Variants in SPRYD4 observed in about 807,000 individuals in gnomAD.
SPRYD4 encodes SPRY domain-containing protein 4.
Under a neutral mutation model 16.6 loss-of-function variants are expected in SPRYD4, and 12 were observed. That is an observed-to-expected ratio of 0.72 (90% CI 0.46 to 1.17). The LOEUF is 1.17. Among genes scored for constraint, SPRYD4 ranks in the 50% most tolerant of loss-of-function variants. The probability of loss-of-function intolerance (pLI) is 0.00; values close to 1 mark genes in which losing one functional copy is unlikely to be tolerated. For missense variants in SPRYD4, 260 were observed against 260.2 expected (o/e 1.00, Z 0.00); for synonymous variants, 98 against 105.4 (o/e 0.93, Z 0.43).
chr12:56,471,167 G>A lies in SPRYD4; in HGVS notation c.*1590G>A, dbSNP rs2136175233. ...CCACCAGAGTATCTCTCTCATGATG[G>A]TTTCTTCAGGGAGAGGAAGAGGAGA... On this transcript the variant is annotated 3_prime_UTR_variant, in exon 2 of 2. Coordinates refer to ENST00000338146, the MANE Select transcript of SPRYD4 (RefSeq NM_207344.4). The A allele has an allele frequency of 4.7e-6, 2 of 427,610 alleles. No homozygotes were observed. The highest frequency in any genetic ancestry group is 9.1e-5 in the South Asian group (1 of 11,046). The allele number at this position is 427,610 out of a possible 1,614,324, so 26.5% of individuals were successfully genotyped here. A position where few individuals can be genotyped will look rare whatever the true frequency, so the allele number is the denominator to read the frequency against.
Position 56,477,893 on chromosome 12 carries a change from G to C in SPRYD4, c.*8316G>C, listed in dbSNP as rs371307227. On this transcript the variant is annotated 3_prime_UTR_variant, in exon 2 of 2. Coordinates refer to ENST00000338146, the MANE Select transcript of SPRYD4 (RefSeq NM_207344.4). ...AGATGGGGTGGGGATAAGGAGAAGG[G>C]GACAGCTGTAAGTACGGTCTGAGCC... is the stretch of plus-strand genomic sequence containing the variant. The C allele has an allele frequency of 6.3e-7, 1 of 1,593,826 alleles. No individual in the cohort carries two copies. Among genetic ancestry groups the C allele is most frequent in the Non-Finnish European group, 8.6e-7 (1 of 1,168,706 alleles).
chr12:56,468,791 C>G, intron 1 of SPRYD4, 115 bp downstream of exon 1: 2 of 1,225,386 alleles, frequency 1.6e-6, no homozygotes, highest in South Asian at 1.3e-5. Flanking sequence ...CCCCACCTGC[C>G]TTGGTCTTAA....
At position 56,470,321 on chromosome 12, in the gene SPRYD4, T is replaced by G. The variant is rs924148085; in HGVS notation, c.*744T>G. 2.0e-5 allele frequency: 3 copies of G among 152,400 alleles called. No homozygotes were observed. Among genetic ancestry groups the G allele is most frequent in the African/African-American group, 7.2e-5 (3 of 41,436 alleles). 9.4% of individuals were successfully genotyped at this position (152,400 alleles called of 1,614,324 possible). A position where few individuals can be genotyped will look rare whatever the true frequency, so the allele number is the denominator to read the frequency against. On this transcript the variant is annotated 3_prime_UTR_variant, in exon 2 of 2. Coordinates refer to ENST00000338146, the MANE Select transcript of SPRYD4 (RefSeq NM_207344.4). ...TGGGGGATATCTAGGGGATGAGTGC[T>G]AGAAACTATTTATTTATTTTTGAGA... is the stretch of plus-strand genomic sequence containing the variant.
Position 56,474,895 on chromosome 12 carries a change from C to G in SPRYD4, c.*5318C>G. ...CATCATGTCCACCCCCTTAGGAAAG[C>G]ACTGCAAGGAAGAGAGGGGAGAGCA... On this transcript the variant is annotated 3_prime_UTR_variant, in exon 2 of 2. Transcript: ENST00000338146. 1 of 1,614,128 alleles carries G rather than the reference C, an allele frequency of 6.2e-7. No homozygotes were observed. The highest frequency in any genetic ancestry group is 8.5e-7 in the Non-Finnish European group (1 of 1,180,020).
chr12:56,474,821 T>A lies in SPRYD4; in HGVS notation c.*5244T>A. 1 of 1,613,718 alleles carries A rather than the reference T, an allele frequency of 6.2e-7. No homozygotes were observed. Among genetic ancestry groups the A allele is most frequent in the South Asian group, 1.1e-5 (1 of 91,066 alleles). On this transcript the variant is annotated 3_prime_UTR_variant, in exon 2 of 2. Transcript: ENST00000338146. ...GGCAAGGACAGTCTGTCCTGTTCCC[T>A]CGGCCCTGAGCAGTGTTTTCTTACC...
Position 56,477,479 on chromosome 12 carries a change from C to T in SPRYD4, c.*7902C>T. On this transcript the variant is annotated 3_prime_UTR_variant, in exon 2 of 2. Transcript: ENST00000338146. ...GTGGGGATGACGGAGGTGGTGCAGTCTCTTATACTGACATTGTCAGCATAA... is the reference window on the plus strand; with the variant it reads ...GTGGGGATGACGGAGGTGGTGCAGTTTCTTATACTGACATTGTCAGCATAA... The T allele has an allele frequency of 1.7e-6, 1 of 597,376 alleles. No homozygotes were observed. The highest frequency in any genetic ancestry group is 3.0e-6 in the Non-Finnish European group (1 of 336,212). The allele number at this position is 597,376 out of a possible 1,614,324, so 37.0% of individuals were successfully genotyped here. A position where few individuals can be genotyped will look rare whatever the true frequency, so the allele number is the denominator to read the frequency against.
Position 56,469,421 on chromosome 12 carries a change from G to A in SPRYD4, c.468G>A (p.Glu156=), listed in dbSNP as rs1441410948. 7 of 1,614,008 alleles carry A rather than the reference G, an allele frequency of 4.3e-6. No individual in the cohort carries two copies. Among genetic ancestry groups the A allele is most frequent in the Non-Finnish European group, 5.9e-6 (7 of 1,180,016 alleles). ...GQPEKVGLLL[E]YEAQKLSLVD... is the part of the protein sequence containing the mutation. Reference sequence around the variant, plus strand: ...CAGAGAAGGTGGGGCTGTTGCTGGAGTATGAGGCCCAGAAGCTGAGCCTGG... The same window carrying A: ...CAGAGAAGGTGGGGCTGTTGCTGGAATATGAGGCCCAGAAGCTGAGCCTGG... The change falls in exon 2 of 2, where the codon GAG becomes GAA. Residue 156 remains glutamate, a synonymous_variant. Coordinates refer to ENST00000338146, the MANE Select transcript of SPRYD4 (RefSeq NM_207344.4).
rs773553815 is a variant in SPRYD4 at position 56,479,071 on chromosome 12, T to G, written c.*9494T>G. 8.7e-6 allele frequency: 14 copies of G among 1,613,872 alleles called. No homozygotes were observed. The East Asian group carries it at 2.2e-4, about 26-fold the overall frequency. ...TCTCACTTTGCCTCCAGTGAGCTCT[T>G]TGACATCCTCAAAGATGCGATCCAC... On this transcript the variant is annotated 3_prime_UTR_variant, in exon 2 of 2. Coordinates refer to ENST00000338146, the MANE Select transcript of SPRYD4 (RefSeq NM_207344.4).
Position 56,469,621 on chromosome 12 carries a change from C to G in SPRYD4, c.*44C>G. 6.4e-7 allele frequency: 1 copy of G among 1,555,262 alleles called. No individual in the cohort carries two copies. Among genetic ancestry groups the G allele is most frequent in the East Asian group, 2.3e-5 (1 of 43,462 alleles). On this transcript the variant is annotated 3_prime_UTR_variant, in exon 2 of 2. Transcript: ENST00000338146. ...CCCTAATCACGCCTTTGGCCAGCCTCCTTTTGAAAGTGTCCGAAGCCTTTT... is the reference window on the plus strand; with the variant it reads ...CCCTAATCACGCCTTTGGCCAGCCTGCTTTTGAAAGTGTCCGAAGCCTTTT...
In SPRYD4 at chr12:56,471,343, T is replaced by G; in HGVS notation, c.*1766T>G. The G allele has an allele frequency of 1.2e-6, 1 of 859,698 alleles. No homozygotes were observed. Among genetic ancestry groups the G allele is most frequent in the Middle Eastern group, 3.5e-4 (1 of 2,818 alleles). The allele number at this position is 859,698 out of a possible 1,614,324, so 53.3% of individuals were successfully genotyped here. On this transcript the variant is annotated 3_prime_UTR_variant, in exon 2 of 2. Coordinates refer to ENST00000338146, the MANE Select transcript of SPRYD4 (RefSeq NM_207344.4). ...AGGGAATGGGGTATTTTGACTCCCA[T>G]AGAAAGCACTAGCCTAAGTCACCAA...
In SPRYD4 at chr12:56,473,085, T is replaced by C; in HGVS notation, c.*3508T>C. The C allele has an allele frequency of 1.4e-6, 1 of 737,290 alleles. No individual in the cohort carries two copies. Among genetic ancestry groups the C allele is most frequent in the East Asian group, 2.7e-5 (1 of 36,972 alleles). The allele number at this position is 737,290 out of a possible 1,614,324, so 45.7% of individuals were successfully genotyped here. A position where few individuals can be genotyped will look rare whatever the true frequency, so the allele number is the denominator to read the frequency against. On this transcript the variant is annotated 3_prime_UTR_variant, in exon 2 of 2. Transcript: ENST00000338146. ...TTTGTATTTTCAATAGAGACCAGGT[T>C]TCACCGTGTTAGCCAGGATGGTCTT...
In SPRYD4 at chr12:56,479,215, G is replaced by A. The variant is rs560100533; in HGVS notation, c.*9638G>A. ...CAGACACGATTGGATTAGGGGGCTA[G>A]AGAAATGCAGCTGGGACTCACTCTG... On this transcript the variant is annotated 3_prime_UTR_variant, in exon 2 of 2. Transcript: ENST00000338146. 2 of 1,608,192 alleles carry A rather than the reference G, an allele frequency of 1.2e-6. No homozygotes were observed. The highest frequency in any genetic ancestry group is 4.5e-5 in the East Asian group (2 of 44,844).
At position 56,469,384 on chromosome 12, in the gene SPRYD4, G is replaced by T. The variant is rs962206280; in HGVS notation, c.431G>T (p.Gly144Val). The change falls in exon 2 of 2, where the codon GGT becomes GTT. Residue 144 changes from glycine to valine, a missense_variant. Physicochemically the swap from Gly to Val is moderately radical, Grantham distance 109. Transcript: ENST00000338146. ...MLANEKAPVE[G>V]IGQPEKVGLL... The stretch of plus-strand genomic sequence containing the variant: ...GCCAACGAGAAAGCCCCAGTTGAGG[G>T]TATTGGGCAGCCAGAGAAGGTGGGG... The T allele has an allele frequency of 6.2e-7, 1 of 1,614,166 alleles. No homozygotes were observed. The highest frequency in any genetic ancestry group is 1.1e-5 in the South Asian group (1 of 91,076).
Position 56,474,559 on chromosome 12 carries a change from G to A in SPRYD4, c.*4982G>A. On this transcript the variant is annotated 3_prime_UTR_variant, in exon 2 of 2. Transcript: ENST00000338146. Reference sequence around the variant, plus strand: ...AGAAACTCACGTGGAAGGCAAACTGGCCAGAGAAGTCATACATGCCGCAGG... The same window carrying A: ...AGAAACTCACGTGGAAGGCAAACTGACCAGAGAAGTCATACATGCCGCAGG... 1.2e-6 allele frequency: 2 copies of A among 1,613,986 alleles called. No homozygotes were observed. The highest frequency in any genetic ancestry group is 1.7e-6 in the Non-Finnish European group (2 of 1,180,044).
In SPRYD4 at chr12:56,470,217, T is replaced by C. The variant is rs1245132937; in HGVS notation, c.*640T>C. ...TTACCCTGAGTCCATCTACCTTAAA[T>C]CTGTACCTCTGACACCCAGCCAGTC... On this transcript the variant is annotated 3_prime_UTR_variant, in exon 2 of 2. Transcript: ENST00000338146. The C allele has an allele frequency of 1.3e-5, 2 of 152,666 alleles. No homozygotes were observed. Among genetic ancestry groups the C allele is most frequent in the African/African-American group, 4.8e-5 (2 of 41,382 alleles). 9.5% of individuals were successfully genotyped at this position (152,666 alleles called of 1,614,324 possible). A position where few individuals can be genotyped will look rare whatever the true frequency, so the allele number is the denominator to read the frequency against.
rs987197885 is a variant in SPRYD4, at chr12:56,475,582, A to G, written c.*6005A>G. 2.5e-6 allele frequency: 4 copies of G among 1,594,190 alleles called. No individual in the cohort carries two copies. The Admixed American group carries it at 5.0e-5, about 20-fold the overall frequency. ...GTCCCCATCCTAAGTACACACACAT[A>G]CACCACAATGCTTTCAGTCAGTCCT... On this transcript the variant is annotated 3_prime_UTR_variant, in exon 2 of 2. Coordinates refer to ENST00000338146, the MANE Select transcript of SPRYD4 (RefSeq NM_207344.4).
At position 56,471,685 on chromosome 12, in the gene SPRYD4, G is replaced by A; in HGVS notation, c.*2108G>A. ...TATGATCAGGCAAAGGAGACGTGGA[G>A]AGTGGTGGTTGTATATATTTGCATG... On this transcript the variant is annotated 3_prime_UTR_variant, in exon 2 of 2. Transcript: ENST00000338146. 1.2e-6 allele frequency: 2 copies of A among 1,612,820 alleles called. No homozygotes were observed. The highest frequency in any genetic ancestry group is 1.7e-6 in the Non-Finnish European group (2 of 1,178,818).
chr12:56,479,325 A>G lies in SPRYD4; in HGVS notation c.*9748A>G, dbSNP rs1870096778. 3.0e-6 allele frequency: 3 copies of G among 1,005,310 alleles called. No individual in the cohort carries two copies. The highest frequency in any genetic ancestry group is 4.2e-6 in the Non-Finnish European group (3 of 716,558). The allele number at this position is 1,005,310 out of a possible 1,614,324, so 62.3% of individuals were successfully genotyped here. On this transcript the variant is annotated 3_prime_UTR_variant, in exon 2 of 2. Transcript: ENST00000338146. ...TCTGTTACCTTTGGCAAATCAGTTT[A>G]CCTTTCTAGGTCTTAGTTTCCGTAC...
At position 56,473,080 on chromosome 12, in the gene SPRYD4, C is replaced by A; in HGVS notation, c.*3503C>A. 2 of 711,802 alleles carry A rather than the reference C, an allele frequency of 2.8e-6. No individual in the cohort carries two copies. Among genetic ancestry groups the A allele is most frequent in the South Asian group, 3.7e-5 (2 of 53,670 alleles). The allele number at this position is 711,802 out of a possible 1,614,324, so 44.1% of individuals were successfully genotyped here. A position where few individuals can be genotyped will look rare whatever the true frequency, so the allele number is the denominator to read the frequency against. ...AATTTTTTGTATTTTCAATAGAGAC[C>A]AGGTTTCACCGTGTTAGCCAGGATG... On this transcript the variant is annotated 3_prime_UTR_variant, in exon 2 of 2. Coordinates refer to ENST00000338146, the MANE Select transcript of SPRYD4 (RefSeq NM_207344.4).
Sources: gnomAD v4.1 joint callset for allele counts on GRCh38, gnomAD v4.1.1 for gene constraint, MANE v1.5 for transcripts, NCBI Gene and HGNC (gene_info 2026-07-23, HGNC 2026-07-21) for gene names.